ABCA4: variants seen among roughly 807,000 people sequenced by gnomAD.
ABCA4 encodes retinal-specific phospholipid-transporting ATPase ABCA4.
Under a neutral mutation model 263.7 loss-of-function variants are expected in ABCA4, and 196 were observed. The observed-to-expected ratio is 0.74, with a 90% CI of 0.66 to 0.84. The LOEUF (loss-of-function observed/expected upper bound fraction) is 0.84, where lower values mean the gene tolerates loss of function less well. ABCA4 is among the 40% of genes least tolerant of loss of function. The pLI, the probability that ABCA4 is intolerant of heterozygous loss-of-function variation, is 0.00. For missense variants in ABCA4, 2,792 were observed against 2,855.1 expected (o/e 0.98, Z 0.50); for synonymous variants, 1,133 against 1,094.2 (o/e 1.04, Z -0.70).
At chr1:94,000,473 A>G (rs566540475) in intron 47 of ABCA4, among the ~76,000 whole-genome samples, 4 of 152,268 alleles carry the variant, frequency 2.6e-5, no homozygotes, top group East Asian at 1.9e-4. Flanking sequence ...CCATTCCTAC[A>G]TTGGAGTGGA....
chr1:94,108,789 T>C, intron 3 of ABCA4, 73 bp from the exon 4 acceptor site: 1 of 1,562,912 alleles, frequency 6.4e-7, no homozygotes, highest in Non-Finnish European at 8.7e-7. Context: ...TCATGCTATT[T>C]TTTTTTTTTA....
In ABCA4 at chr1:94,074,058, C is replaced by T. The variant is rs79186122; in HGVS notation, c.1554+3632G>A. 5.9e-3 allele frequency among the ~76,000 whole-genome samples: 901 copies of T among 152,266 alleles called. 12 individuals are homozygous for T. Among genetic ancestry groups the T allele is most frequent in the East Asian group, 0.046 (238 of 5,176 alleles). ...CTAACTGTACAAGGGAACTGCAGGT[C>T]CCACAAATCTAATAGGTCTGTAAAC... is the stretch of plus-strand genomic sequence containing the variant. On this transcript the variant is annotated intron_variant, in intron 11 of 49. Transcript: ENST00000370225.
rs756734589 is a variant in ABCA4, at chr1:94,083,431, A to T, written c.779T>A (p.Leu260His). 1.2e-6 allele frequency: 2 copies of T among 1,613,302 alleles called. No individual in the cohort carries two copies. Among genetic ancestry groups the T allele is most frequent in the Non-Finnish European group, 8.5e-7 (1 of 1,179,524 alleles). ...GATACCTTGAGAACGGCTGTCTAGG[A>T]GTGTGGGAAGCTGTAATTGACAGTA... ...FFKLFRVLPT[L>H]LDSRSQGINL... Residue 260 changes from leucine (L) to histidine (H), a missense_variant, in exon 7 of 50, where the codon CTC (leucine) becomes CAC (histidine). Leu to His is a moderately conservative substitution (Grantham distance 99, BLOSUM62 -3). Transcript: ENST00000370225.
At chr1:94,067,005 A>ACAG (rs928273105) in intron 11 of ABCA4, among the ~76,000 whole-genome samples, 11 of 152,180 alleles carry the variant, frequency 7.2e-5, no homozygotes, top group African/African-American at 2.7e-4. Flanking sequence ...AGTTCCAAAG[A>ACAG]TAGTACATTC....
intron 38 of ABCA4, among the ~76,000 whole-genome samples, chr1:94,012,725 G>T (rs1344987305): frequency 1.3e-5 from 2 of 152,194 alleles, no homozygotes; most frequent in Non-Finnish European, 2.9e-5. Context: ...CTCCTCTGCT[G>T]CTCTGTCACA....
chr1:94,074,889 T>C (rs1661497070), intron 11 of ABCA4, among the ~76,000 whole-genome samples: 2 of 152,158 alleles, frequency 1.3e-5, no homozygotes, highest in African/African-American at 4.8e-5. Context: ...ATGTTTACAA[T>C]TGCAAAGACA....
chr1:94,042,524 A>G (rs1344066409), intron 22 of ABCA4, among the ~76,000 whole-genome samples: 1 of 152,152 alleles, frequency 6.6e-6, no homozygotes, highest in African/African-American at 2.4e-5. Context: ...GGTCAAGAGA[A>G]TTTTCTAAAA....
At chr1:94,041,967 C>T (rs970220505) in intron 22 of ABCA4, among the ~76,000 whole-genome samples, 4 of 151,824 alleles carry the variant, frequency 2.6e-5, no homozygotes, top group Admixed American at 6.6e-5. Flanking sequence ...GGCGTGGTGG[C>T]GGGCACCTGT....
intron 8 of ABCA4, 58 bp from the exon 9 acceptor site, chr1:94,079,519 T>C: frequency 1.9e-6 from 3 of 1,610,076 alleles, no homozygotes; most frequent in South Asian, 2.2e-5. Context: ...TAACTCAATA[T>C]AGTCATTAGT....
chr1:94,005,298 C>T (rs1157848171), intron 44 of ABCA4, 143 bp downstream of exon 44: 1 of 1,129,600 alleles, frequency 8.9e-7, no homozygotes, highest in African/African-American at 1.5e-5. Flanking sequence ...GTACTTGGCA[C>T]ACAGTAGACA....
At chr1:94,060,953 G>A (rs1490969671) in intron 13 of ABCA4, among the ~76,000 whole-genome samples, 194 bp from the exon 14 acceptor site, 1 of 152,178 alleles carries the variant, frequency 6.6e-6, no homozygotes, top group East Asian at 1.9e-4. Context: ...ATTATTTTTT[G>A]TTTATAGCAG....
chr1:94,042,617 T>G, intron 22 of ABCA4, 144 bp downstream of exon 22: 1 of 1,167,012 alleles, frequency 8.6e-7, no homozygotes, highest in Non-Finnish European at 1.2e-6. Context: ...GGAACTTAGA[T>G]TCACCAAGTC....
chr1:94,080,846 C>T (rs1661677665), intron 7 of ABCA4, 128 bp from the exon 8 acceptor site: 1 of 1,404,894 alleles, frequency 7.1e-7, no homozygotes, highest in Non-Finnish European at 9.9e-7. Context: ...TCTCAGCAAT[C>T]CTTAATCCAG....
Position 94,056,738 on chromosome 1 carries a change from A to G in ABCA4, c.2245T>C (p.Phe749Leu). 5 of 1,613,982 alleles carry G rather than the reference A, an allele frequency of 3.1e-6. No homozygotes were observed. Among genetic ancestry groups the G allele is most frequent in the Non-Finnish European group, 4.2e-6 (5 of 1,179,902 alleles). The change falls in exon 15 of 50, where the codon TTT becomes CTT. Residue 749 changes from phenylalanine (F) to leucine (L), a missense_variant. Physicochemically the swap from Phe to Leu is conservative, Grantham distance 22. Coordinates refer to ENST00000370225, the MANE Select transcript of ABCA4 (RefSeq NM_000350.3). The stretch of plus-strand genomic sequence containing the variant: ...TTGGAGAAGAAGGTGCTGAGCAGAA[A>G]GCACAGCATGATGGTGGCAGTGGAG... ...AFSTATIMLC[F>L]LLSTFFSKAS...
chr1:94,051,260 G>A lies in ABCA4; in HGVS notation c.2653+373C>T, dbSNP rs943855221. The stretch of plus-strand genomic sequence containing the variant: ...AATAAAAAGGCACAAGGAAGGCAAT[G>A]GGAGATGAATGCAAAGGTTCCTTCA... On this transcript the variant is annotated intron_variant, in intron 17 of 49. Coordinates refer to ENST00000370225, the MANE Select transcript of ABCA4 (RefSeq NM_000350.3). 6.6e-5 allele frequency among the ~76,000 whole-genome samples: 10 copies of A among 152,224 alleles called. No individual in the cohort carries two copies. The South Asian group carries it at 2.1e-3, about 32-fold the overall frequency.
intron 6 of ABCA4, 77 bp downstream of exon 6, chr1:94,098,717 C>A (rs1434509729): frequency 6.5e-7 from 1 of 1,545,060 alleles, no homozygotes. Context: ...CTCACGCCCT[C>A]CCCAAGGTCA....
At chr1:94,015,912 G>T in intron 36 of ABCA4, 58 bp from the exon 37 acceptor site, 1 of 1,452,214 alleles carries the variant, frequency 6.9e-7, no homozygotes, top group East Asian at 2.4e-5. Flanking sequence ...TGCCAGCTCT[G>T]CAAAATGAGG....
chr1:94,102,534 G>A (rs925145056), intron 5 of ABCA4, among the ~76,000 whole-genome samples: 14 of 151,778 alleles, frequency 9.2e-5, no homozygotes, highest in African/African-American at 2.4e-4. Flanking sequence ...CGACTCTACC[G>A]GATTTTCCTT....
intron 6 of ABCA4, among the ~76,000 whole-genome samples, chr1:94,092,372 G>T (rs201964943): frequency 2.0e-5 from 3 of 152,226 alleles, no homozygotes; most frequent in South Asian, 2.1e-4. Context: ...GAGGGAAGTT[G>T]TTGCTAGGCA....
Sources: gnomAD v4.1 joint callset for allele counts (sites outside exome capture counted in the v4.1 genomes callset) on GRCh38, gnomAD v4.1.1 for gene constraint, MANE v1.5 for transcripts, NCBI Gene and HGNC (gene_info 2026-07-23, HGNC 2026-07-21) for gene names.